Variants in FHIT observed in about 807,000 individuals in gnomAD.
FHIT encodes fragile histidine triad diadenosine triphosphatase, also known as bis(5'-adenosyl)-triphosphatase.
Under a neutral mutation model 17.9 loss-of-function variants are expected in FHIT, and 19 were observed. That is an observed-to-expected ratio of 1.06 (90% CI 0.74 to 1.56). FHIT has a LOEUF of 1.56. Among genes scored for constraint, FHIT ranks in the 40% most tolerant of loss-of-function variants. The pLI is 0.00. For synonymous variants in FHIT, 81 were observed against 69.7 expected, an observed-to-expected ratio of 1.16 and a Z score of -0.81; for missense variants, 248 against 189.2, an observed-to-expected ratio of 1.31 and a Z score of -1.82.
chr3:60,886,638 A>G (rs1251393729), intron 3 of FHIT, among the ~76,000 whole-genome samples: 1 of 152,170 alleles, frequency 6.6e-6, no homozygotes, highest in Non-Finnish European at 1.5e-5. Context: ...AAAAAAACAC[A>G]TTCTAGAGAT....
At chr3:60,074,131 C>A (rs1702903069) in intron 5 of FHIT, among the ~76,000 whole-genome samples, 1 of 152,012 alleles carries the variant, frequency 6.6e-6, no homozygotes, top group African/African-American at 2.4e-5. Flanking sequence ...ATGGACTTAA[C>A]TCACACCCTA....
Position 61,111,355 on chromosome 3 carries a change from A to C in FHIT, c.-163-69256T>G, listed in dbSNP as rs76867495. Among the ~76,000 whole-genome samples, 792 of 152,044 alleles carry C rather than the reference A, an allele frequency of 5.2e-3. 8 individuals are homozygous for C. Among genetic ancestry groups the C allele is most frequent in the African/African-American group, 0.018 (754 of 41,494 alleles). On this transcript the variant is annotated intron_variant, in intron 2 of 9. Transcript: ENST00000492590. ...TCACTTACAAGCCACACTGAATCTC[A>C]TTTTTTTTCATCTATAAAACATTAA...
intron 5 of FHIT, among the ~76,000 whole-genome samples, chr3:60,321,955 C>A (rs760260970): frequency 7.9e-5 from 12 of 152,206 alleles, no homozygotes; most frequent in Non-Finnish European, 1.3e-4. Context: ...AAGGTCCTAC[C>A]TCTTAATAGA....
In FHIT at chr3:60,594,653, T is replaced by C. The variant is rs1014290582; in HGVS notation, c.-17-57674A>G. ...CCTTCCAACACTATAAAGGGTTTTCTATTCCCCTACTTCCTTTTGAGTCTT... is the reference window on the plus strand; with the variant it reads ...CCTTCCAACACTATAAAGGGTTTTCCATTCCCCTACTTCCTTTTGAGTCTT... On this transcript the variant is annotated intron_variant, in intron 4 of 9. Coordinates refer to ENST00000492590, the MANE Select transcript of FHIT (RefSeq NM_002012.4). 1.2e-4 allele frequency among the ~76,000 whole-genome samples: 19 copies of C among 152,236 alleles called. No individual in the cohort carries two copies. The East Asian group carries it at 2.1e-3, about 17-fold the overall frequency.
At chr3:60,578,971 A>G (rs2037665360) in intron 4 of FHIT, among the ~76,000 whole-genome samples, 1 of 152,168 alleles carries the variant, frequency 6.6e-6, no homozygotes, top group Non-Finnish European at 1.5e-5. Context: ...GAAAAAGGGA[A>G]TTTTACAATC....
intron 4 of FHIT, chr3:60,617,793 GAGA>G (rs2038996507): frequency 6.6e-6 from 1 of 152,440 alleles, no homozygotes; most frequent in Non-Finnish European, 1.4e-5. Context: ...AAAGTTTAGT[GAGA>G]AGAATATTTT....
intron 5 of FHIT, among the ~76,000 whole-genome samples, chr3:60,398,158 A>T (rs1041612090): frequency 4.0e-4 from 61 of 152,118 alleles, no homozygotes; most frequent in Admixed American, 7.9e-4. Context: ...AAAACCCTGC[A>T]TCACTATTTT....
At chr3:61,219,158 T>C (rs575259201) in intron 1 of FHIT, among the ~76,000 whole-genome samples, 2 of 152,250 alleles carry the variant, frequency 1.3e-5, no homozygotes, top group African/African-American at 2.4e-5. Flanking sequence ...CATCTAAACA[T>C]ATAAAAGGTA....
At chr3:60,727,144 G>A (rs1553709785) in intron 4 of FHIT, among the ~76,000 whole-genome samples, 1 of 152,042 alleles carries the variant, frequency 6.6e-6, no homozygotes. Flanking sequence ...TATAGAGAAT[G>A]CAGAAAACAA....
At chr3:60,147,118 A>G (rs1559675633) in intron 5 of FHIT, among the ~76,000 whole-genome samples, 1 of 152,226 alleles carries the variant, frequency 6.6e-6, no homozygotes, top group Non-Finnish European at 1.5e-5. Context: ...AAAGCTGTTT[A>G]GAAAAAGCTA....
At chr3:61,090,378 G>A (rs570491693) in intron 2 of FHIT, among the ~76,000 whole-genome samples, 1 of 152,334 alleles carries the variant, frequency 6.6e-6, no homozygotes, top group African/African-American at 2.4e-5. Flanking sequence ...AACTGTGTAT[G>A]CAAGGAGTGG....
intron 3 of FHIT, among the ~76,000 whole-genome samples, chr3:60,898,658 G>A (rs1156778229): frequency 6.6e-6 from 1 of 152,150 alleles, no homozygotes; most frequent in Non-Finnish European, 1.5e-5. Flanking sequence ...CTATTGAAAT[G>A]TCCTAAGAAA....
At chr3:60,058,195 A>G (rs1379552296) in intron 5 of FHIT, among the ~76,000 whole-genome samples, 4 of 120,900 alleles carry the variant, frequency 3.3e-5, no homozygotes, top group Non-Finnish European at 6.4e-5. Flanking sequence ...GCTGGAGTGC[A>G]GTGGCTCGAC....
chr3:60,504,454 G>A (rs983409216), intron 5 of FHIT, among the ~76,000 whole-genome samples: 2 of 150,824 alleles, frequency 1.3e-5, no homozygotes, highest in African/African-American at 4.9e-5. Flanking sequence ...TTTTTTTTTT[G>A]GTTCAACAAA....
At chr3:61,021,267 A>C (rs889411302) in intron 3 of FHIT, among the ~76,000 whole-genome samples, 1 of 152,218 alleles carries the variant, frequency 6.6e-6, no homozygotes, top group Non-Finnish European at 1.5e-5. Context: ...AAAATTGACC[A>C]CATAAGTGGA....
At chr3:60,069,728 A>C (rs2736812) in intron 5 of FHIT, among the ~76,000 whole-genome samples, 1 of 151,830 alleles carries the variant, frequency 6.6e-6, no homozygotes, top group Non-Finnish European at 1.5e-5. Flanking sequence ...CTGCCTATCA[A>C]ATATTCATCC....
intron 4 of FHIT, among the ~76,000 whole-genome samples, chr3:60,684,742 C>A (rs1294886534): frequency 1.3e-5 from 2 of 152,112 alleles, no homozygotes; most frequent in Admixed American, 1.3e-4. Flanking sequence ...ACCAAAGCAA[C>A]CTTCCTGGGA....
chr3:60,361,002 A>G (rs999364891), intron 5 of FHIT, among the ~76,000 whole-genome samples: 1 of 152,180 alleles, frequency 6.6e-6, no homozygotes, highest in African/African-American at 2.4e-5. Flanking sequence ...ACAAATTCAT[A>G]TACCTCCCAC....
intron 5 of FHIT, among the ~76,000 whole-genome samples, chr3:60,277,455 G>C (rs1707204665): frequency 1.3e-5 from 2 of 152,124 alleles, no homozygotes; most frequent in African/African-American, 4.8e-5. Context: ...AAAGCTACCT[G>C]GTACTAAGCA....
Sources: gnomAD v4.1 joint callset for allele counts (sites outside exome capture counted in the v4.1 genomes callset) on GRCh38, gnomAD v4.1.1 for gene constraint, MANE v1.5 for transcripts, NCBI Gene and HGNC (gene_info 2026-07-23, HGNC 2026-07-21) for gene names.